The following BTRC variants were observed in gnomAD, a reference collection of about 807,000 sequenced individuals.
The protein encoded by BTRC is F-box/WD repeat-containing protein 1A.
In BTRC, 42 loss-of-function variants were observed where a neutral mutation model predicts 85.5. The ratio of observed to expected loss-of-function variants is 0.49; its 90% CI spans 0.38 to 0.64. The LOEUF (loss-of-function observed/expected upper bound fraction) is 0.64, where lower values mean the gene tolerates loss of function less well. Among genes scored for constraint, BTRC ranks in the 30% least tolerant of loss-of-function variants. The probability of loss-of-function intolerance (pLI) is 0.00; values close to 1 mark genes in which losing one functional copy is unlikely to be tolerated. For missense variants in BTRC, 594 were observed against 743.5 expected (o/e 0.80, Z 2.34); for synonymous variants, 255 against 263.3 (o/e 0.97, Z 0.30).
chr10:101,449,354 C>T (rs534819893), intron 2 of BTRC, among the ~76,000 whole-genome samples: 19 of 151,920 alleles, frequency 1.3e-4, no homozygotes, highest in Non-Finnish European at 8.8e-5. Flanking sequence ...GTCATACGTC[C>T]TAAGGGTTCT....
chr10:101,528,252 CAGAA>C (rs2062229537), intron 6 of BTRC, among the ~76,000 whole-genome samples: 1 of 152,074 alleles, frequency 6.6e-6, no homozygotes, highest in Admixed American at 6.5e-5. Context: ...TTTTTGAAGG[CAGAA>C]AGATCAAGAA....
intron 4 of BTRC, among the ~76,000 whole-genome samples, chr10:101,511,817 G>A (rs78840430): frequency 2.3e-4 from 35 of 152,130 alleles, no homozygotes; most frequent in African/African-American, 7.2e-4. Context: ...GTGAGCCACC[G>A]TGCTGGCTGT....
At chr10:101,385,615 C>CTTTTTTTTTTTT (rs146804594) in intron 1 of BTRC, among the ~76,000 whole-genome samples, 35 of 48,876 alleles carry the variant, frequency 7.2e-4, no homozygotes, top group East Asian at 3.2e-3. Context: ...CTTTCTTCTT[C>CTTTTTTTTTTTT]TTCTTTTTTT....
At chr10:101,366,919 T>A (rs373372387) in intron 1 of BTRC, among the ~76,000 whole-genome samples, 871 of 4,598 alleles carry the variant, frequency 0.19, 22 homozygotes, top group Non-Finnish European at 0.33. Context: ...AATATATATT[T>A]ATATATATTT....
chr10:101,527,244 G>A (rs1395003246), intron 6 of BTRC, among the ~76,000 whole-genome samples: 2 of 152,136 alleles, frequency 1.3e-5, no homozygotes, highest in African/African-American at 2.4e-5. Context: ...TCATGGGCCA[G>A]CTTTCCTTTG....
At chr10:101,422,567 GC>G (rs1301057692) in intron 1 of BTRC, among the ~76,000 whole-genome samples, 3 of 152,164 alleles carry the variant, frequency 2.0e-5, no homozygotes, top group African/African-American at 7.2e-5. Flanking sequence ...GAATGGTATT[GC>G]CTAGGTTTTC....
intron 13 of BTRC, among the ~76,000 whole-genome samples, chr10:101,548,949 A>C (rs1179660523): frequency 6.6e-6 from 1 of 150,814 alleles, no homozygotes; most frequent in Non-Finnish European, 1.5e-5. Flanking sequence ...GGTACTCAGG[A>C]GACTGAGGCA....
intron 1 of BTRC, among the ~76,000 whole-genome samples, chr10:101,377,096 C>G (rs1432878852): frequency 4.6e-5 from 7 of 152,184 alleles, no homozygotes; most frequent in African/African-American, 1.7e-4. Flanking sequence ...CTAACCCCCT[C>G]TTCCTCACTT....
intron 3 of BTRC, among the ~76,000 whole-genome samples, chr10:101,472,521 ATATTGTTCCCAGCTGGGC>A (rs1408854674): frequency 6.6e-6 from 1 of 151,870 alleles, no homozygotes; most frequent in Non-Finnish European, 1.5e-5. Flanking sequence ...CACTTTAAAA[ATATTGTTCCCAGCTGGGC>A]GTGGTGGCTC....
chr10:101,366,887 T>G (rs1484452445), intron 1 of BTRC, among the ~76,000 whole-genome samples: 1 of 26,548 alleles, frequency 3.8e-5, no homozygotes, highest in African/African-American at 1.0e-4. Flanking sequence ...TTTATATATA[T>G]TTATATATAT....
intron 4 of BTRC, among the ~76,000 whole-genome samples, chr10:101,495,366 C>T (rs995056206): frequency 6.6e-6 from 1 of 152,204 alleles, no homozygotes; most frequent in African/African-American, 2.4e-5. Flanking sequence ...GTGCTGTGAA[C>T]TTTGCAAAAC....
chr10:101,456,568 T>G (rs1441211497), intron 2 of BTRC, among the ~76,000 whole-genome samples: 1 of 152,216 alleles, frequency 6.6e-6, no homozygotes, highest in African/African-American at 2.4e-5. Flanking sequence ...CCTGAATACT[T>G]TTTTAATATA....
intron 13 of BTRC, among the ~76,000 whole-genome samples, chr10:101,549,655 G>A (rs574134777): frequency 8.7e-5 from 12 of 137,970 alleles, no homozygotes; most frequent in African/African-American, 2.2e-4. Context: ...CAGAGCTTGC[G>A]GTGAGCTGAG....
intron 3 of BTRC, among the ~76,000 whole-genome samples, chr10:101,468,350 A>G (rs1013441740): frequency 6.7e-6 from 1 of 148,820 alleles, no homozygotes; most frequent in African/African-American, 2.5e-5. Context: ...TATGGGCCCA[A>G]TTCATTTTGT....
chr10:101,547,342 T>C lies in BTRC; in HGVS notation c.1657-3357T>C, dbSNP rs920477617. 2.8e-5 allele frequency among the ~76,000 whole-genome samples: 4 copies of C among 140,702 alleles called. No homozygotes were observed. In the East Asian group the frequency reaches 8.1e-4, roughly 28 times the overall value. 92.3% of individuals were successfully genotyped at this position (140,702 alleles called of 152,430 possible). On this transcript the variant is annotated intron_variant, in intron 13 of 14. Coordinates refer to ENST00000370187, the MANE Select transcript of BTRC (RefSeq NM_033637.4). The stretch of plus-strand genomic sequence containing the variant: ...ATATGGTTTTTCTTTTTTTTTTTTT[T>C]TTTTTTTTTTTTGAGACGGAGTCTC...
chr10:101,379,555 T>A (rs981469752), intron 1 of BTRC, among the ~76,000 whole-genome samples: 1 of 152,206 alleles, frequency 6.6e-6, no homozygotes, highest in Non-Finnish European at 1.5e-5. Context: ...TATGGAGGCC[T>A]GCATAATATA....
intron 2 of BTRC, among the ~76,000 whole-genome samples, chr10:101,456,008 A>G (rs1945070016): frequency 6.6e-6 from 1 of 150,766 alleles, no homozygotes; most frequent in Non-Finnish European, 1.5e-5. Flanking sequence ...ACACACACAC[A>G]CACACACACA....
At chr10:101,528,820 G>A (rs1454466853) in intron 6 of BTRC, among the ~76,000 whole-genome samples, 1 of 152,100 alleles carries the variant, frequency 6.6e-6, no homozygotes, top group African/African-American at 2.4e-5. Flanking sequence ...GCTTTGAAAG[G>A]TTCTTCCATT....
At chr10:101,409,264 C>A (rs1306107993) in intron 1 of BTRC, among the ~76,000 whole-genome samples, 1 of 152,204 alleles carries the variant, frequency 6.6e-6, no homozygotes, top group African/African-American at 2.4e-5. Flanking sequence ...AATCACCAAT[C>A]TGCATTCTGC....
Sources: allele counts gnomAD v4.1 joint callset (sites outside exome capture counted in the v4.1 genomes callset), GRCh38; gene constraint gnomAD v4.1.1; transcripts MANE v1.5; gene names NCBI Gene and HGNC (gene_info 2026-07-23, HGNC 2026-07-21).